The following TMEFF2 variants were observed in gnomAD, a reference collection of about 807,000 sequenced individuals.
TMEFF2 encodes transmembrane protein with EGF like and two follistatin like domains 2, also known as tomoregulin-2.
In TMEFF2, 28 loss-of-function variants were observed where a neutral mutation model predicts 53.8. That is an observed-to-expected ratio of 0.52 (90% confidence interval 0.39 to 0.71). The LOEUF (loss-of-function observed/expected upper bound fraction) is 0.71. Among genes scored for constraint, TMEFF2 ranks in the 30% least tolerant of loss-of-function variants. TMEFF2 has a pLI of 0.00. For missense variants in TMEFF2, 353 were observed against 455.2 expected, an observed-to-expected ratio of 0.78 and a Z score of 2.04; for synonymous variants, 162 against 166.3, an observed-to-expected ratio of 0.97 and a Z score of 0.20.
chr2:192,125,400 G>GAAATAT (rs1175590690), intron 4 of TMEFF2, among the ~76,000 whole-genome samples: 1 of 151,894 alleles, frequency 6.6e-6, no homozygotes, highest in Non-Finnish European at 1.5e-5. Flanking sequence ...AAAACATATA[G>GAAATAT]AAATATAAAT....
Position 191,956,322 on chromosome 2 carries a change from G to C in TMEFF2, c.802C>G (p.His268Asp), listed in dbSNP as rs780371300. Reference protein sequence around the residue: ...AREHHIPCPEHYNGFCMHGKC... With the variant: ...AREHHIPCPEDYNGFCMHGKC... ...CCATGCATGCAGAAGCCATTGTAATGTTCCGGACAAGGTATGTGGTGTTCT... is the reference window on the plus strand; with the variant it reads ...CCATGCATGCAGAAGCCATTGTAATCTTCCGGACAAGGTATGTGGTGTTCT... The change falls in exon 8 of 10, where the codon CAT becomes GAT. Residue 268 changes from histidine (H) to aspartate (D), a missense_variant. This residue lies in a region of TMEFF2 where 294 missense variants were observed against 397.3 expected (regional missense o/e 0.74). Coordinates refer to ENST00000272771, the MANE Select transcript of TMEFF2 (RefSeq NM_016192.4). 3.7e-6 allele frequency: 6 copies of C among 1,613,924 alleles called. No individual in the cohort carries two copies. Among genetic ancestry groups the C allele is most frequent in the Non-Finnish European group, 5.1e-6 (6 of 1,179,966 alleles).
At chr2:192,123,800 G>A (rs1241115193) in intron 4 of TMEFF2, among the ~76,000 whole-genome samples, 2 of 152,088 alleles carry the variant, frequency 1.3e-5, no homozygotes, top group African/African-American at 4.8e-5. Context: ...ATTGTTAATC[G>A]ATTTTCCTAC....
chr2:192,170,563 G>A (rs189024009), intron 4 of TMEFF2, among the ~76,000 whole-genome samples: 3 of 152,064 alleles, frequency 2.0e-5, no homozygotes, highest in South Asian at 2.1e-4. Context: ...CAGGAGAAAC[G>A]AGTAAGAATG....
intron 5 of TMEFF2, among the ~76,000 whole-genome samples, chr2:192,004,002 T>A (rs567332211): frequency 6.6e-6 from 1 of 152,006 alleles, no homozygotes; most frequent in East Asian, 1.9e-4. Context: ...TGTTTATACC[T>A]CTACTTTTCT....
chr2:192,091,162 G>T (rs1412973033), intron 4 of TMEFF2, among the ~76,000 whole-genome samples: 1 of 152,080 alleles, frequency 6.6e-6, no homozygotes, highest in African/African-American at 2.4e-5. Flanking sequence ...TTCTCTCCAG[G>T]CAACTTATGG....
At chr2:192,157,618 C>A (rs1690537289) in intron 4 of TMEFF2, among the ~76,000 whole-genome samples, 1 of 151,864 alleles carries the variant, frequency 6.6e-6, no homozygotes, top group Non-Finnish European at 1.5e-5. Context: ...AGCAAGACAT[C>A]ACTTTGACAC....
intron 4 of TMEFF2, among the ~76,000 whole-genome samples, chr2:192,073,015 C>T (rs906614938): frequency 6.6e-6 from 1 of 151,964 alleles, no homozygotes; most frequent in African/African-American, 2.4e-5. Flanking sequence ...CACTGCCTGA[C>T]AAGCAGTTCA....
chr2:192,028,726 TG>T (rs1188241512), intron 5 of TMEFF2: 1 of 152,256 alleles, frequency 6.6e-6, no homozygotes, highest in East Asian at 1.9e-4. Flanking sequence ...CCACTATTCT[TG>T]TAAGAATGAA....
intron 4 of TMEFF2, among the ~76,000 whole-genome samples, chr2:192,060,708 A>G (rs893205035): frequency 3.3e-5 from 5 of 152,122 alleles, no homozygotes; most frequent in African/African-American, 1.2e-4. Flanking sequence ...TCTTCTTTCT[A>G]CATTACCAGT....
intron 7 of TMEFF2, among the ~76,000 whole-genome samples, chr2:191,985,042 CA>C: frequency 6.6e-6 from 1 of 152,000 alleles, no homozygotes; most frequent in East Asian, 1.9e-4. Flanking sequence ...CCAAATGAAA[CA>C]ATTACTTCTA....
In TMEFF2 at chr2:192,191,840, T is replaced by C. The variant is rs552021346; in HGVS notation, c.282+40A>G. 633 of 1,362,558 alleles carry C rather than the reference T, an allele frequency of 4.6e-4. 8 individuals carry two copies. In the South Asian group the frequency reaches 7.1e-3, roughly 15 times the overall value. The allele number at this position is 1,362,558 out of a possible 1,614,324, so 84.4% of individuals were successfully genotyped here. On this transcript the variant is annotated intron_variant, in intron 2 of 9. Coordinates refer to ENST00000272771, the MANE Select transcript of TMEFF2 (RefSeq NM_016192.4). The stretch of plus-strand genomic sequence containing the variant: ...AAAGGAAGATTCCTGCTTTGCAGTC[T>C]CATTAATGAATTAGAAGATGCAAAT...
intron 4 of TMEFF2, among the ~76,000 whole-genome samples, chr2:192,081,161 CTTTG>C (rs1688543916): frequency 6.6e-6 from 1 of 152,158 alleles, no homozygotes; most frequent in Admixed American, 6.5e-5. Context: ...AAGTGATACG[CTTTG>C]TTTTTCTAGT....
intron 4 of TMEFF2, among the ~76,000 whole-genome samples, chr2:192,090,443 A>G (rs143354972): frequency 2.4e-4 from 37 of 152,298 alleles, no homozygotes; most frequent in African/African-American, 8.7e-4. Flanking sequence ...GTTAAATATC[A>G]TCACAGTCAA....
chr2:192,079,347 A>AGTT (rs1335893622), intron 4 of TMEFF2, among the ~76,000 whole-genome samples: 1 of 152,296 alleles, frequency 6.6e-6, no homozygotes, highest in East Asian at 1.9e-4. Flanking sequence ...CCTGCAGCAC[A>AGTT]GTTGGAAGGC....
At chr2:192,105,373 G>T (rs1468132519) in intron 4 of TMEFF2, among the ~76,000 whole-genome samples, 7 of 151,592 alleles carry the variant, frequency 4.6e-5, no homozygotes. Context: ...AGATATTTTT[G>T]AAATATTATA....
chr2:192,156,836 C>T (rs114859771), intron 4 of TMEFF2, among the ~76,000 whole-genome samples: 245 of 152,096 alleles, frequency 1.6e-3, no homozygotes, highest in African/African-American at 5.1e-3. Flanking sequence ...CCTGAGACCA[C>T]GCAGAAGGAT....
intron 7 of TMEFF2, among the ~76,000 whole-genome samples, chr2:191,965,457 G>T (rs1166152048): frequency 1.3e-5 from 2 of 152,088 alleles, no homozygotes; most frequent in Non-Finnish European, 2.9e-5. Flanking sequence ...TTGCCCTCTC[G>T]AAATATGTTT....
intron 4 of TMEFF2, among the ~76,000 whole-genome samples, chr2:192,165,626 A>G (rs1026773169): frequency 6.6e-5 from 10 of 152,036 alleles, no homozygotes; most frequent in Admixed American, 1.3e-4. Flanking sequence ...AAAGCAGCAT[A>G]CCTAAAAGTA....
At chr2:192,081,792 C>G (rs1039206608) in intron 4 of TMEFF2, among the ~76,000 whole-genome samples, 1 of 147,596 alleles carries the variant, frequency 6.8e-6, no homozygotes, top group Non-Finnish European at 1.5e-5. Context: ...AATTATTAAA[C>G]GATTTCCCTT....
Sources: gnomAD v4.1 joint callset for allele counts (sites outside exome capture counted in the v4.1 genomes callset) on GRCh38, gnomAD v4.1.1 for gene constraint, gnomAD v4.1.1 regional missense constraint, MANE v1.5 for transcripts, NCBI Gene and HGNC (gene_info 2026-07-23, HGNC 2026-07-21) for gene names.